The following TMEM181 variants were observed in gnomAD, a reference collection of about 807,000 sequenced individuals.
TMEM181 encodes the protein transmembrane protein 181.
Under a neutral mutation model 71.9 loss-of-function variants are expected in TMEM181, and 39 were observed. That is an observed-to-expected ratio of 0.54 (90% CI 0.42 to 0.71). TMEM181 has a LOEUF of 0.71. Among genes scored for constraint, TMEM181 ranks in the 30% least tolerant of loss-of-function variants. The pLI is 0.00. For synonymous variants in TMEM181, 245 were observed against 228.8 expected (o/e 1.07, Z -0.64); for missense variants, 595 against 583.0 (o/e 1.02, Z -0.21).
At chr6:158,544,452 A>G (rs1387519944) in intron 1 of TMEM181, among the ~76,000 whole-genome samples, 2 of 151,914 alleles carry the variant, frequency 1.3e-5, no homozygotes, top group African/African-American at 4.8e-5. Flanking sequence ...GAGACTCAAG[A>G]CAGATGAGCC....
chr6:158,586,197 TG>T, intron 5 of TMEM181, among the ~76,000 whole-genome samples: 1 of 152,332 alleles, frequency 6.6e-6, no homozygotes, highest in South Asian at 2.1e-4. Context: ...TTGATTTCAT[TG>T]GCACTGTATT....
At chr6:158,601,287 G>A (rs1314235014) in intron 6 of TMEM181, among the ~76,000 whole-genome samples, 4 of 151,874 alleles carry the variant, frequency 2.6e-5, no homozygotes, top group Non-Finnish European at 5.9e-5. Context: ...GGTAGCTCAC[G>A]CCTGTAATCC....
At chr6:158,612,043 C>T (rs1324112015) in intron 10 of TMEM181, among the ~76,000 whole-genome samples, 1 of 150,734 alleles carries the variant, frequency 6.6e-6, no homozygotes, top group East Asian at 2.0e-4. Context: ...AAGGAATGTG[C>T]TTATTAGGGC....
At chr6:158,577,165 A>G (rs1783212934) in intron 2 of TMEM181, among the ~76,000 whole-genome samples, 1 of 152,090 alleles carries the variant, frequency 6.6e-6, no homozygotes, top group Non-Finnish European at 1.5e-5. Flanking sequence ...AGACCATATG[A>G]CAGATCTGTT....
chr6:158,615,750 C>T (rs556174137), intron 10 of TMEM181, among the ~76,000 whole-genome samples: 2 of 152,252 alleles, frequency 1.3e-5, no homozygotes, highest in South Asian at 2.1e-4. Context: ...GAATCCTTTC[C>T]CCATTTCTTG....
At chr6:158,619,614 T>A (rs1785836462) in intron 10 of TMEM181, among the ~76,000 whole-genome samples, 1 of 152,106 alleles carries the variant, frequency 6.6e-6, no homozygotes, top group East Asian at 1.9e-4. Context: ...CTCACGCCTA[T>A]AATCCCAGCA....
intron 10 of TMEM181, among the ~76,000 whole-genome samples, chr6:158,623,284 A>G (rs3816238): frequency 0.3 from 45,301 of 152,176 alleles, 7,291 homozygotes; most frequent in East Asian, 0.66. Flanking sequence ...GAGAAATAGT[A>G]TATAGGGTTT....
intron 6 of TMEM181, among the ~76,000 whole-genome samples, chr6:158,602,084 CTCCTG>C (rs1020643495): frequency 6.6e-5 from 10 of 152,226 alleles, no homozygotes; most frequent in African/African-American, 1.4e-4. Context: ...GTGCCCCTTC[CTCCTG>C]TCCTTTCCCA....
chr6:158,561,816 G>C (rs1782196388), intron 1 of TMEM181, among the ~76,000 whole-genome samples: 1 of 152,112 alleles, frequency 6.6e-6, no homozygotes, highest in African/African-American at 2.4e-5. Flanking sequence ...GAAGACGGAG[G>C]GGGATGAGGG....
intron 1 of TMEM181, among the ~76,000 whole-genome samples, chr6:158,552,338 T>C (rs1304563287): frequency 6.6e-6 from 1 of 152,254 alleles, no homozygotes; most frequent in Non-Finnish European, 1.5e-5. Flanking sequence ...TTGAACCTGA[T>C]GAAAGGTACT....
intron 10 of TMEM181, chr6:158,611,006 C>T (rs1003291213): frequency 6.8e-6 from 3 of 444,366 alleles, no homozygotes; most frequent in Non-Finnish European, 8.9e-6. Context: ...GGTGCTCCAT[C>T]ACCACCTCCC....
chr6:158,611,680 C>A, intron 10 of TMEM181: 1 of 263,152 alleles, frequency 3.8e-6, no homozygotes, highest in African/African-American at 2.3e-5. Context: ...GTGGCGGCCC[C>A]GCCCACACCT....
chr6:158,601,013 C>T (rs1583013700), intron 6 of TMEM181, among the ~76,000 whole-genome samples: 1 of 151,880 alleles, frequency 6.6e-6, no homozygotes, highest in African/African-American at 2.4e-5. Flanking sequence ...TATGTTTGTT[C>T]GACTAAGACG....
chr6:158,605,372 C>A (rs549700671), intron 7 of TMEM181, 25 bp downstream of exon 7: 1 of 1,605,200 alleles, frequency 6.2e-7, no homozygotes, highest in Non-Finnish European at 8.5e-7. Flanking sequence ...CCTGATGGAC[C>A]GCAGCAGATC....
rs748866409 is a variant in TMEM181 at position 158,589,801 on chromosome 6, TGCAC to T, written c.492+21_492+24del. The T allele has an allele frequency of 2.0e-6, 3 of 1,534,182 alleles. No individual in the cohort carries two copies. In the South Asian group the frequency reaches 3.4e-5, roughly 17 times the overall value. ...CTTCACAGTAAGTATACCAGCTGAC[TGCAC>T]GTTTCCATGGCTCATGTTCTAGTTC... On this transcript the variant is annotated intron_variant, in intron 6 of 16. Transcript: ENST00000684151.
chr6:158,602,328 A>G (rs530660032), intron 6 of TMEM181, among the ~76,000 whole-genome samples: 1 of 152,354 alleles, frequency 6.6e-6, no homozygotes, highest in African/African-American at 2.4e-5. Context: ...TGGGGCTGTC[A>G]CAAAGAAAGC....
At chr6:158,571,252 G>A (rs375229234) in intron 1 of TMEM181, among the ~76,000 whole-genome samples, 32 of 152,152 alleles carry the variant, frequency 2.1e-4, no homozygotes, top group South Asian at 6.2e-4. Flanking sequence ...ACCCGCCACC[G>A]CGCCCGGCTA....
At chr6:158,558,693 G>A (rs2128283655), upstream of TMEM181, among the ~76,000 whole-genome samples, 1 of 152,300 alleles carries the variant, frequency 6.6e-6, no homozygotes, top group East Asian at 1.9e-4. Flanking sequence ...ACTATGCCAG[G>A]CTGCAGCTCC....
At position 158,633,902 on chromosome 6, in the gene TMEM181, G is replaced by T. The variant is rs1417794457; in HGVS notation, c.*2014G>T. ...TTATGTAAACTGATGAAGATGTGCT[G>T]ATTAACATATTCTGTGATATGGTTT... On this transcript the variant is annotated 3_prime_UTR_variant, in exon 17 of 17. Transcript: ENST00000684151. 1 of 152,064 alleles carries T rather than the reference G, an allele frequency of 6.6e-6. No individual in the cohort carries two copies. Among genetic ancestry groups the T allele is most frequent in the Non-Finnish European group, 1.5e-5 (1 of 68,020 alleles). 9.4% of individuals were successfully genotyped at this position (152,064 alleles called of 1,614,324 possible).
Sources: allele counts gnomAD v4.1 joint callset (sites outside exome capture counted in the v4.1 genomes callset), GRCh38; gene constraint gnomAD v4.1.1; transcripts MANE v1.5; gene names NCBI Gene and HGNC (gene_info 2026-07-23, HGNC 2026-07-21).